ERC1: variants seen among roughly 807,000 people sequenced by gnomAD.
ERC1 encodes the protein RAB6 interacting protein 2.
A neutral mutation model predicts 132.0 loss-of-function variants in ERC1; 56 were observed. That is an observed-to-expected ratio of 0.42 (90% CI 0.34 to 0.53). The LOEUF (loss-of-function observed/expected upper bound fraction) is 0.53, where lower values mean the gene tolerates loss of function less well. ERC1 is among the 20% of genes least tolerant of loss of function. The pLI is 0.03. For missense variants in ERC1, 1,202 were observed against 1,349.9 expected (o/e 0.89, Z 1.72); for synonymous variants, 478 against 476.1 (o/e 1.00, Z -0.05).
At chr12:1,256,612 T>C (rs2076837606) in intron 13 of ERC1, among the ~76,000 whole-genome samples, 1 of 150,776 alleles carries the variant, frequency 6.6e-6, no homozygotes, top group Admixed American at 6.6e-5. Flanking sequence ...ATACGTTGGA[T>C]TACTCTAATT....
chr12:1,033,388 C>A (rs1287508590), intron 2 of ERC1, among the ~76,000 whole-genome samples: 1 of 151,792 alleles, frequency 6.6e-6, no homozygotes, highest in East Asian at 1.9e-4. Context: ...CCAGACTGGT[C>A]TTGAACTCTC....
chr12:1,085,540 C>T (rs1376536258), intron 3 of ERC1, among the ~76,000 whole-genome samples: 3 of 137,732 alleles, frequency 2.2e-5, no homozygotes, highest in African/African-American at 8.0e-5. Context: ...CTATGCCTGG[C>T]CCGTTATTAT....
At chr12:1,485,475 T>G (rs867554794) in intron 18 of ERC1, among the ~76,000 whole-genome samples, 15 of 152,314 alleles carry the variant, frequency 9.8e-5, no homozygotes, top group Middle Eastern at 3.4e-3. Context: ...AGTGCTGGGA[T>G]TACAGGCGTG....
chr12:1,340,574 G>A (rs937968078), intron 15 of ERC1, among the ~76,000 whole-genome samples: 1 of 152,112 alleles, frequency 6.6e-6, no homozygotes, highest in African/African-American at 2.4e-5. Flanking sequence ...GGGTCGTTGG[G>A]GGCTAGGAAC....
intron 3 of ERC1, among the ~76,000 whole-genome samples, chr12:1,097,319 G>A (rs11834880): frequency 0.086 from 13,023 of 152,222 alleles, 713 homozygotes; most frequent in African/African-American, 0.14. Context: ...GGGTTGTTTT[G>A]TCTGGCAAGA....
At chr12:1,345,435 G>A (rs147021061) in intron 15 of ERC1, among the ~76,000 whole-genome samples, 14 of 152,052 alleles carry the variant, frequency 9.2e-5, no homozygotes, top group African/African-American at 1.9e-4. Context: ...TGCCCGCCTC[G>A]GCCTCCCAAA....
chr12:1,401,223 C>G (rs556538418), intron 16 of ERC1, among the ~76,000 whole-genome samples: 2 of 151,916 alleles, frequency 1.3e-5, no homozygotes, highest in Admixed American at 6.6e-5. Context: ...CGTGAGCCAC[C>G]GCGCCCAGCC....
At chr12:1,288,275 T>TTTTG (rs548716539) in intron 14 of ERC1, among the ~76,000 whole-genome samples, 239 of 152,306 alleles carry the variant, frequency 1.6e-3, no homozygotes, top group Non-Finnish European at 2.9e-3. Context: ...ATATTCTCTT[T>TTTTG]TTTGTTTGTT....
chr12:1,421,511 G>A (rs955295083), intron 17 of ERC1, among the ~76,000 whole-genome samples: 49 of 152,146 alleles, frequency 3.2e-4, no homozygotes, highest in Admixed American at 2.8e-3. Flanking sequence ...TCTAGGTGGG[G>A]GTCACAAGAC....
chr12:1,483,329 C>T (rs554404068), intron 18 of ERC1, among the ~76,000 whole-genome samples: 18 of 152,236 alleles, frequency 1.2e-4, no homozygotes, highest in Admixed American at 3.3e-4. Context: ...TCATACAAGA[C>T]GTGGTCTGTT....
At chr12:1,355,593 G>A (rs940005152) in intron 15 of ERC1, among the ~76,000 whole-genome samples, 6 of 152,214 alleles carry the variant, frequency 3.9e-5, no homozygotes, top group Admixed American at 6.5e-5. Flanking sequence ...ATGTGCTTTT[G>A]AGAAATACTG....
chr12:1,027,996 T>C lies in ERC1; in HGVS notation c.93T>C (p.Gly31=), dbSNP rs1420818989. 6.2e-7 allele frequency: 1 copy of C among 1,614,140 alleles called. No homozygotes were observed. Among genetic ancestry groups the C allele is most frequent in the East Asian group, 2.2e-5 (1 of 44,888 alleles). Residue 31 remains glycine (G), a synonymous_variant, in exon 2 of 19, where the codon GGT becomes GGC. Coordinates refer to ENST00000360905, the MANE Select transcript of ERC1 (RefSeq NM_178040.4). ...SPRLPRSPRL[G]HRRTNSTGGS... is the part of the protein sequence containing the mutation. ...GGCTTCCACGTTCCCCTCGCTTGGG[T>C]CACCGTCGAACCAACAGTACGGGAG... is the stretch of plus-strand genomic sequence containing the variant.
intron 15 of ERC1, among the ~76,000 whole-genome samples, chr12:1,302,918 G>T (rs1262120949): frequency 6.6e-6 from 1 of 152,122 alleles, no homozygotes; most frequent in Non-Finnish European, 1.5e-5. Context: ...AGCTGTAATC[G>T]CATCACTGCA....
At chr12:1,242,916 G>A (rs895192590) in intron 13 of ERC1, among the ~76,000 whole-genome samples, 6 of 152,152 alleles carry the variant, frequency 3.9e-5, no homozygotes, top group East Asian at 1.9e-4. Context: ...GGCCGGGCGC[G>A]GTGGCTCACG....
At chr12:1,002,898 C>A (rs1299394851) in intron 1 of ERC1, among the ~76,000 whole-genome samples, 1 of 151,074 alleles carries the variant, frequency 6.6e-6, no homozygotes, top group Non-Finnish European at 1.5e-5. Flanking sequence ...GATATGACCC[C>A]TTCTTTGGTT....
intron 1 of ERC1, among the ~76,000 whole-genome samples, chr12:994,521 G>A (rs1046350148): frequency 1.3e-5 from 2 of 152,102 alleles, no homozygotes; most frequent in African/African-American, 4.8e-5. Flanking sequence ...TTCTTCATCT[G>A]CAAAATAGAA....
intron 6 of ERC1, among the ~76,000 whole-genome samples, chr12:1,114,705 G>A (rs551105368): frequency 9.1e-4 from 138 of 152,142 alleles, no homozygotes; most frequent in Non-Finnish European, 1.6e-3. Flanking sequence ...TATAGCCACC[G>A]TTTAAAATTA....
chr12:1,486,136 C>T (rs1308413635), intron 18 of ERC1, among the ~76,000 whole-genome samples: 1 of 152,208 alleles, frequency 6.6e-6, no homozygotes, highest in Non-Finnish European at 1.5e-5. Flanking sequence ...CAAGTCTTAA[C>T]ATCACTCTTC....
intron 18 of ERC1, among the ~76,000 whole-genome samples, chr12:1,455,162 A>G (rs1258386418): frequency 6.6e-6 from 1 of 152,224 alleles, no homozygotes; most frequent in Non-Finnish European, 1.5e-5. Flanking sequence ...ATGCTGTGTA[A>G]ATATAAATAA....
Sources: allele counts gnomAD v4.1 joint callset (sites outside exome capture counted in the v4.1 genomes callset), GRCh38; gene constraint gnomAD v4.1.1; transcripts MANE v1.5; gene names NCBI Gene and HGNC (gene_info 2026-07-23, HGNC 2026-07-21).